The following CAB39L variants were observed in gnomAD, a reference collection of about 807,000 sequenced individuals.
CAB39L encodes calcium binding protein 39 like.
In CAB39L, 23 loss-of-function variants were observed where a neutral mutation model predicts 39.1. The observed-to-expected ratio is 0.59, with a 90% confidence interval of 0.42 to 0.83. The LOEUF (loss-of-function observed/expected upper bound fraction) is 0.83. Ranked by LOEUF, CAB39L falls within the 40% of genes least tolerant of loss-of-function variation. The pLI, the probability that CAB39L is intolerant of heterozygous loss-of-function variation, is 0.00. For missense variants in CAB39L, 366 were observed against 391.9 expected (o/e 0.93, Z 0.56); for synonymous variants, 126 against 137.2 (o/e 0.92, Z 0.57).
intron 3 of CAB39L, among the ~76,000 whole-genome samples, chr13:49,411,882 T>G (rs1956997693): frequency 1.3e-5 from 2 of 152,160 alleles, no homozygotes; most frequent in South Asian, 4.1e-4. Context: ...TTGGGTTAAA[T>G]GAAGGTTACC....
At chr13:49,317,363 C>A (rs1954188481) in intron 10 of CAB39L, among the ~76,000 whole-genome samples, 1 of 152,084 alleles carries the variant, frequency 6.6e-6, no homozygotes, top group South Asian at 2.1e-4. Context: ...AACCCCCTCT[C>A]TACAAAAAAT....
At chr13:49,370,022 A>G (rs1955874630) in intron 5 of CAB39L, among the ~76,000 whole-genome samples, 2 of 152,102 alleles carry the variant, frequency 1.3e-5, no homozygotes, top group South Asian at 2.1e-4. Flanking sequence ...GAAGTCAGGG[A>G]CTTCTCTATT....
intron 10 of CAB39L, among the ~76,000 whole-genome samples, chr13:49,315,758 G>A (rs554240938): frequency 2.4e-4 from 36 of 151,876 alleles, no homozygotes; most frequent in African/African-American, 8.0e-4. Context: ...GGTGGTGTGC[G>A]CCTGTAATCC....
At chr13:49,402,228 AATT>A (rs980830221) in intron 3 of CAB39L, among the ~76,000 whole-genome samples, 21 of 152,192 alleles carry the variant, frequency 1.4e-4, no homozygotes, top group Non-Finnish European at 2.2e-4. Context: ...GGCTACAAAA[AATT>A]ATTAAAGTGA....
intron 7 of CAB39L, among the ~76,000 whole-genome samples, chr13:49,344,576 C>T (rs1039208251): frequency 1.4e-5 from 2 of 145,108 alleles, no homozygotes; most frequent in African/African-American, 2.6e-5. Flanking sequence ...GGCTGGAGTG[C>T]AGTGGCATGA....
intron 5 of CAB39L, among the ~76,000 whole-genome samples, chr13:49,365,248 C>T (rs1955741779): frequency 6.6e-6 from 1 of 152,096 alleles, no homozygotes; most frequent in Non-Finnish European, 1.5e-5. Flanking sequence ...TATCCACATG[C>T]AGAAGAATGA....
At chr13:49,318,284 A>T (rs183537033) in intron 10 of CAB39L, among the ~76,000 whole-genome samples, 32 of 151,406 alleles carry the variant, frequency 2.1e-4, no homozygotes, top group African/African-American at 5.8e-4. Flanking sequence ...CCTGAGCAAC[A>T]CAGCAAGACC....
At chr13:49,400,630 T>A (rs937193602) in intron 3 of CAB39L, among the ~76,000 whole-genome samples, 12 of 152,138 alleles carry the variant, frequency 7.9e-5, no homozygotes, top group African/African-American at 2.9e-4. Flanking sequence ...TGTCACTTAT[T>A]GGGTCTAAAA....
Position 49,382,902 on chromosome 13 carries a change from T to G in CAB39L, c.9A>C (p.Lys3Asn), listed in dbSNP as rs556006949. 6.3e-7 allele frequency: 1 copy of G among 1,588,380 alleles called. No individual in the cohort carries two copies. The highest frequency in any genetic ancestry group is 2.2e-5 in the East Asian group (1 of 44,534). MK[K>N]MPLFSKSHKN... The stretch of plus-strand genomic sequence containing the variant: ...TGTGTGATTTACTAAACAAAGGCAT[T>G]TTTTTCATGTGTAGAAATCTCTTCT... The change falls in exon 4 of 11, where the codon AAA becomes AAC. Residue 3 changes from lysine (K) to asparagine (N), a missense_variant. Transcript: ENST00000409308.
intron 10 of CAB39L, among the ~76,000 whole-genome samples, chr13:49,317,726 T>C (rs1466712112): frequency 6.6e-6 from 1 of 152,080 alleles, no homozygotes; most frequent in Non-Finnish European, 1.5e-5. Flanking sequence ...GTTTCTTAGA[T>C]ATGACACCAA....
chr13:49,373,405 G>A (rs1311181251), intron 5 of CAB39L, among the ~76,000 whole-genome samples: 2 of 152,092 alleles, frequency 1.3e-5, no homozygotes, highest in Non-Finnish European at 2.9e-5. Flanking sequence ...CATTCTCCTA[G>A]GTTATCTGGC....
intron 3 of CAB39L, among the ~76,000 whole-genome samples, chr13:49,398,866 A>C (rs1285305173): frequency 1.3e-5 from 2 of 152,090 alleles, no homozygotes; most frequent in Non-Finnish European, 2.9e-5. Flanking sequence ...ACCTGACTTT[A>C]GAATGTCCCA....
intron 10 of CAB39L, among the ~76,000 whole-genome samples, chr13:49,311,513 A>T (rs1312013647): frequency 1.3e-5 from 2 of 152,150 alleles, no homozygotes; most frequent in Non-Finnish European, 2.9e-5. Flanking sequence ...GTCCCTCAGG[A>T]GGTATCCAGA....
rs1163968582 is a variant in CAB39L at position 49,329,541 on chromosome 13, AAAAATATAT to A, written c.834+2397_834+2405del. Among the ~76,000 whole-genome samples, 53 of 36,490 alleles carry A rather than the reference AAAAATATAT, an allele frequency of 1.5e-3. 1 individual carries two copies. The highest frequency in any genetic ancestry group is 2.6e-3 in the South Asian group (2 of 762). The allele number at this position is 36,490 out of a possible 152,430, so 23.9% of individuals were successfully genotyped here. A position where few individuals can be genotyped will look rare whatever the true frequency, so the allele number is the denominator to read the frequency against. ...CCTACATATCTCTTCAATTAAAAAA[AAAAATATAT>A]ATATATATATATATATATATATATA... On this transcript the variant is annotated intron_variant, in intron 10 of 10. Transcript: ENST00000409308.
chr13:49,401,944 G>C (rs1013009513), intron 3 of CAB39L, among the ~76,000 whole-genome samples: 1 of 152,042 alleles, frequency 6.6e-6, no homozygotes, highest in African/African-American at 2.4e-5. Flanking sequence ...AGCAAGGAAG[G>C]TTTTAGAGTA....
chr13:49,361,151 A>G (rs1955617271), intron 5 of CAB39L, among the ~76,000 whole-genome samples: 1 of 152,074 alleles, frequency 6.6e-6, no homozygotes, highest in African/African-American at 2.4e-5. Context: ...CTCTCCTTAA[A>G]CACTTCAACG....
chr13:49,427,091 T>A (rs1490698370), intron 3 of CAB39L, among the ~76,000 whole-genome samples: 1 of 152,124 alleles, frequency 6.6e-6, no homozygotes, highest in Non-Finnish European at 1.5e-5. Flanking sequence ...CACCTTCAAG[T>A]CTAGTTGGAA....
In CAB39L at chr13:49,332,022, C is replaced by T; in HGVS notation, c.759G>A (p.Glu253=). The T allele has an allele frequency of 6.2e-7, 1 of 1,614,128 alleles. No individual in the cohort carries two copies. The highest frequency in any genetic ancestry group is 8.5e-7 in the Non-Finnish European group (1 of 1,180,004). ...AIMTKYISKP[E]NLKLMMNLLR... is the part of the protein sequence containing the mutation. ...GGAGGTTCATCATGAGTTTCAGGTT[C>T]TCCGGCTTGCTGATATACTTTGTCA... Residue 253 remains glutamate, a synonymous_variant, in exon 10 of 11, where the codon GAG becomes GAA. Coordinates refer to ENST00000409308, the MANE Select transcript of CAB39L (RefSeq NM_001079670.3).
intron 5 of CAB39L, among the ~76,000 whole-genome samples, chr13:49,365,620 C>A (rs1191310035): frequency 1.3e-5 from 2 of 152,130 alleles, no homozygotes; most frequent in African/African-American, 2.4e-5. Flanking sequence ...AGTTAAAATG[C>A]CTTTCATGTA....
Sources: gnomAD v4.1 joint callset for allele counts (sites outside exome capture counted in the v4.1 genomes callset) on GRCh38, gnomAD v4.1.1 for gene constraint, MANE v1.5 for transcripts, NCBI Gene and HGNC (gene_info 2026-07-23, HGNC 2026-07-21) for gene names.